Variants in R3HCC1L observed in about 807,000 individuals in gnomAD.
The protein encoded by R3HCC1L is coiled-coil domain-containing protein R3HCC1L.
R3HCC1L carries 51 observed loss-of-function variants against 59.9 expected under a neutral mutation model. The observed-to-expected ratio is 0.85, with a 90% CI of 0.68 to 1.07. The LOEUF (loss-of-function observed/expected upper bound fraction) is 1.07. R3HCC1L is among the 50% of genes least tolerant of loss of function. The pLI is 0.00. For synonymous variants in R3HCC1L, 322 were observed against 315.2 expected, an observed-to-expected ratio of 1.02 and a Z score of -0.23; for missense variants, 965 against 933.0, an observed-to-expected ratio of 1.03 and a Z score of -0.45.
intron 1 of R3HCC1L, among the ~76,000 whole-genome samples, chr10:98,152,015 CTG>C (rs1192690027): frequency 2.6e-5 from 4 of 152,212 alleles, no homozygotes; most frequent in Admixed American, 6.5e-5. Flanking sequence ...CGAAGCTGGA[CTG>C]TACTGCTGCC....
At chr10:98,243,233 C>T (rs1031589653) in intron 9 of R3HCC1L, among the ~76,000 whole-genome samples, 1 of 152,194 alleles carries the variant, frequency 6.6e-6, no homozygotes, top group Non-Finnish European at 1.5e-5. Context: ...ACTTGCTAAA[C>T]CTTATACAGG....
chr10:98,235,461 A>G lies in R3HCC1L; in HGVS notation c.2069A>G (p.Lys690Arg). The G allele has an allele frequency of 6.2e-7, 1 of 1,613,758 alleles. No homozygotes were observed. ...TTGGGTATTAAACACACCATGGTGA[A>G]GATTCGTCCCTTGTCACAGGCCACA... ...DALGIKHTMV[K>R]IRPLSQATRA... Residue 690 changes from lysine (K) to arginine (R), a missense_variant, in exon 8 of 10, where the codon AAG becomes AGG. Lys to Arg is a conservative substitution (Grantham distance 26, BLOSUM62 2). Coordinates refer to ENST00000298999, the MANE Select transcript of R3HCC1L (RefSeq NM_001351015.2).
At chr10:98,174,725 A>G in intron 4 of R3HCC1L, 1 of 984,286 alleles carries the variant, frequency 1.0e-6, no homozygotes, top group Non-Finnish European at 1.2e-6. Context: ...TATTATTGAA[A>G]TTGTAGATTG....
At chr10:98,196,509 T>G (rs1322142656) in intron 4 of R3HCC1L, among the ~76,000 whole-genome samples, 1 of 152,196 alleles carries the variant, frequency 6.6e-6, no homozygotes, top group Non-Finnish European at 1.5e-5. Flanking sequence ...TTCCTCCAAC[T>G]CAGCCTCCTG....
chr10:98,147,385 CCTTTACTGTGCAGAAA>C (rs1342946254), intron 1 of R3HCC1L, among the ~76,000 whole-genome samples: 1 of 152,028 alleles, frequency 6.6e-6, no homozygotes, highest in African/African-American at 2.4e-5. Context: ...TTGATTGTTT[CCTTTACTGTGCAGAAA>C]CTTTGTAGCT....
intron 4 of R3HCC1L, among the ~76,000 whole-genome samples, chr10:98,186,063 C>G (rs1850195548): frequency 6.6e-6 from 1 of 152,144 alleles, no homozygotes; most frequent in Non-Finnish European, 1.5e-5. Flanking sequence ...CAGTAAAAAT[C>G]TTGGTATGTT....
At chr10:98,176,375 G>A (rs1170851995) in intron 4 of R3HCC1L, among the ~76,000 whole-genome samples, 2 of 152,036 alleles carry the variant, frequency 1.3e-5, no homozygotes, top group Non-Finnish European at 2.9e-5. Flanking sequence ...TAAATATTGA[G>A]GCATCTCATT....
intron 4 of R3HCC1L, among the ~76,000 whole-genome samples, chr10:98,164,570 A>AT (rs397719097): frequency 3.4e-4 from 50 of 148,496 alleles, no homozygotes; most frequent in South Asian, 1.3e-3. Flanking sequence ...TAGGAGTATT[A>AT]TTTTTTTTTT....
At chr10:98,237,731 C>A (rs560598223) in intron 9 of R3HCC1L, among the ~76,000 whole-genome samples, 1 of 152,162 alleles carries the variant, frequency 6.6e-6, no homozygotes, top group South Asian at 2.1e-4. Context: ...TATTATGCTC[C>A]AGCGTGCTAC....
chr10:98,184,521 G>C (rs557953276), intron 4 of R3HCC1L, among the ~76,000 whole-genome samples: 7 of 152,212 alleles, frequency 4.6e-5, no homozygotes, highest in Admixed American at 1.3e-4. Flanking sequence ...AGGCTATACT[G>C]TCTTTGTCTG....
chr10:98,226,305 A>C (rs1371098979), intron 5 of R3HCC1L, among the ~76,000 whole-genome samples: 1 of 152,252 alleles, frequency 6.6e-6, no homozygotes, highest in Admixed American at 6.5e-5. Flanking sequence ...TGAAGAAAAC[A>C]ATTTTACAAT....
At chr10:98,181,880 C>G (rs1196252448) in intron 4 of R3HCC1L, among the ~76,000 whole-genome samples, 1 of 152,172 alleles carries the variant, frequency 6.6e-6, no homozygotes, top group African/African-American at 2.4e-5. Flanking sequence ...TTAAGGTCTT[C>G]TCTATACTGT....
intron 5 of R3HCC1L, among the ~76,000 whole-genome samples, chr10:98,215,826 CTT>C (rs991180803): frequency 7.9e-5 from 12 of 152,066 alleles, no homozygotes; most frequent in African/African-American, 2.9e-4. Flanking sequence ...AAGGATATAT[CTT>C]AGAATTGATG....
intron 4 of R3HCC1L, among the ~76,000 whole-genome samples, chr10:98,204,177 C>T (rs767916789): frequency 2.6e-5 from 4 of 152,074 alleles, no homozygotes; most frequent in African/African-American, 4.8e-5. Flanking sequence ...GGGAGGCCCA[C>T]GTGGGCGGAT....
intron 4 of R3HCC1L, among the ~76,000 whole-genome samples, chr10:98,196,199 A>T (rs1014780936): frequency 4.0e-5 from 6 of 151,820 alleles, no homozygotes; most frequent in Admixed American, 2.0e-4. Flanking sequence ...TTTAAAAATT[A>T]TTTATCTATG....
chr10:98,146,957 A>G (rs1396330839), intron 1 of R3HCC1L, among the ~76,000 whole-genome samples: 2 of 151,996 alleles, frequency 1.3e-5, no homozygotes, highest in African/African-American at 4.8e-5. Context: ...TGATGACTCT[A>G]TTTTTCATTT....
chr10:98,147,805 A>T (rs1418176514), intron 1 of R3HCC1L, among the ~76,000 whole-genome samples: 1 of 152,170 alleles, frequency 6.6e-6, no homozygotes, highest in African/African-American at 2.4e-5. Context: ...TGATGTGGTT[A>T]TCAGAGTTTT....
intron 2 of R3HCC1L, among the ~76,000 whole-genome samples, chr10:98,158,375 A>C (rs1847085790): frequency 6.6e-6 from 1 of 152,226 alleles, no homozygotes; most frequent in Non-Finnish European, 1.5e-5. Context: ...ATTATGTGCC[A>C]GGCACTGTGC....
At chr10:98,187,092 T>G (rs942168583) in intron 4 of R3HCC1L, among the ~76,000 whole-genome samples, 5 of 152,150 alleles carry the variant, frequency 3.3e-5, no homozygotes, top group African/African-American at 1.2e-4. Context: ...ATTGACTTAT[T>G]TGGTAGGGTA....
Sources: allele counts gnomAD v4.1 joint callset (sites outside exome capture counted in the v4.1 genomes callset), GRCh38; gene constraint gnomAD v4.1.1; transcripts MANE v1.5; gene names NCBI Gene and HGNC (gene_info 2026-07-23, HGNC 2026-07-21).